The following ASIC2 variants were observed in gnomAD, a reference collection of about 807,000 sequenced individuals.
ASIC2 encodes acid sensing ion channel subunit 2.
ASIC2 carries 25 observed loss-of-function variants against 57.3 expected under a neutral mutation model. The ratio of observed to expected loss-of-function variants is 0.44; its 90% confidence interval spans 0.32 to 0.61. The LOEUF is 0.61. Among genes scored for constraint, ASIC2 ranks in the 20% least tolerant of loss-of-function variants. The pLI is 0.06. For missense variants in ASIC2, 641 were observed against 738.1 expected, an observed-to-expected ratio of 0.87 and a Z score of 1.52; for synonymous variants, 319 against 307.5, an observed-to-expected ratio of 1.04 and a Z score of -0.39.
intron 1 of ASIC2, among the ~76,000 whole-genome samples, chr17:34,040,319 G>A (rs1908076862): frequency 1.3e-5 from 2 of 148,734 alleles, no homozygotes; most frequent in South Asian, 2.1e-4. Flanking sequence ...GGATCGGTTC[G>A]GTCCGGATTA....
intron 1 of ASIC2, among the ~76,000 whole-genome samples, chr17:34,085,053 T>C (rs1305362938): frequency 6.6e-6 from 1 of 152,210 alleles, no homozygotes; most frequent in Non-Finnish European, 1.5e-5. Context: ...CTAATTGCCG[T>C]GGCCAGAACT....
chr17:34,059,083 G>T (rs982513498), intron 1 of ASIC2, among the ~76,000 whole-genome samples: 2 of 152,172 alleles, frequency 1.3e-5, no homozygotes, highest in African/African-American at 2.4e-5. Flanking sequence ...TGGATCAACT[G>T]CAAGAACAAA....
At chr17:34,069,753 T>C (rs1598005924) in intron 1 of ASIC2, 2 of 152,216 alleles carry the variant, frequency 1.3e-5, no homozygotes, top group Admixed American at 6.5e-5. Context: ...TCTGGGGTGG[T>C]AGTGAGTTCA....
chr17:33,880,524 C>T (rs529021653), intron 1 of ASIC2, among the ~76,000 whole-genome samples: 1 of 152,220 alleles, frequency 6.6e-6, no homozygotes. Context: ...GGATAAATTC[C>T]TCAACACATA....
At chr17:33,688,296 G>A (rs1336303312) in intron 1 of ASIC2, among the ~76,000 whole-genome samples, 1 of 152,168 alleles carries the variant, frequency 6.6e-6, no homozygotes, top group Non-Finnish European at 1.5e-5. Flanking sequence ...GTTCTTTACT[G>A]CCCTGTTGCG....
At chr17:33,425,451 A>T (rs1911185666) in intron 1 of ASIC2, among the ~76,000 whole-genome samples, 1 of 152,242 alleles carries the variant, frequency 6.6e-6, no homozygotes, top group African/African-American at 2.4e-5. Context: ...AGTGATTGTT[A>T]AAATGTGTGC....
chr17:33,049,578 A>C (rs1294430741), intron 3 of ASIC2, among the ~76,000 whole-genome samples: 1 of 152,176 alleles, frequency 6.6e-6, no homozygotes, highest in African/African-American at 2.4e-5. Context: ...AAATGGACTC[A>C]TGATTGCAAA....
At chr17:34,012,786 T>C (rs36105864) in intron 1 of ASIC2, among the ~76,000 whole-genome samples, 63,747 of 151,784 alleles carry the variant, frequency 0.42, 14,824 homozygotes, top group Non-Finnish European at 0.51. Flanking sequence ...ATTGAATAAA[T>C]GAATGAATGA....
intron 1 of ASIC2, among the ~76,000 whole-genome samples, chr17:33,929,909 G>C (rs76195686): frequency 0.042 from 6,470 of 152,280 alleles, 470 homozygotes; most frequent in African/African-American, 0.15. Context: ...CACAGTCACA[G>C]AGAGCCCTTG....
chr17:33,259,989 T>G (rs1028532124), intron 1 of ASIC2, among the ~76,000 whole-genome samples: 3 of 152,110 alleles, frequency 2.0e-5, no homozygotes, highest in African/African-American at 7.2e-5. Flanking sequence ...CTGAGGGATA[T>G]TGGCTGAGTG....
At chr17:33,712,636 C>CCT (rs1909078727) in intron 1 of ASIC2, among the ~76,000 whole-genome samples, 1 of 63,592 alleles carries the variant, frequency 1.6e-5, no homozygotes, top group Admixed American at 2.3e-4. Context: ...ACTCATATGG[C>CCT]TTTTTTTTTT....
intron 1 of ASIC2, among the ~76,000 whole-genome samples, chr17:33,331,711 T>C (rs1285318316): frequency 6.6e-6 from 1 of 152,244 alleles, no homozygotes; most frequent in Non-Finnish European, 1.5e-5. Flanking sequence ...CATTTCTATA[T>C]ACCTGATAGT....
chr17:33,341,486 G>A (rs1005307454), intron 1 of ASIC2, among the ~76,000 whole-genome samples: 7 of 152,172 alleles, frequency 4.6e-5, no homozygotes, highest in Admixed American at 2.0e-4. Context: ...TTTAGGCATT[G>A]TCTACGGTTG....
chr17:33,453,646 T>C (rs1044157400), intron 1 of ASIC2, among the ~76,000 whole-genome samples: 5 of 152,236 alleles, frequency 3.3e-5, no homozygotes, highest in Admixed American at 6.5e-5. Context: ...AATTGTTTTA[T>C]AATTAGCTGT....
At chr17:33,432,987 G>T (rs144853564) in intron 1 of ASIC2, among the ~76,000 whole-genome samples, 1 of 152,130 alleles carries the variant, frequency 6.6e-6, no homozygotes. Context: ...TGTGGAAAAC[G>T]GTGTGGTGAT....
intron 1 of ASIC2, among the ~76,000 whole-genome samples, chr17:33,459,682 C>A (rs772569224): frequency 6.6e-6 from 1 of 152,172 alleles, no homozygotes; most frequent in Non-Finnish European, 1.5e-5. Flanking sequence ...GGGAACACCC[C>A]TTCGTCAGTG....
chr17:33,574,667 C>T (rs1295949423), intron 1 of ASIC2, among the ~76,000 whole-genome samples: 1 of 152,158 alleles, frequency 6.6e-6, no homozygotes, highest in Non-Finnish European at 1.5e-5. Context: ...TATAGGAACA[C>T]TTTATTTTTC....
intron 1 of ASIC2, among the ~76,000 whole-genome samples, chr17:33,229,165 G>A (rs570344002): frequency 1.9e-4 from 29 of 152,092 alleles, no homozygotes; most frequent in Non-Finnish European, 3.8e-4. Context: ...GGAAAGAGGT[G>A]TACCAAGCAA....
At chr17:34,058,760 C>A (rs1408465631) in intron 1 of ASIC2, among the ~76,000 whole-genome samples, 2 of 152,190 alleles carry the variant, frequency 1.3e-5, no homozygotes, top group Non-Finnish European at 2.9e-5. Context: ...GAGAGCAGAG[C>A]TAGCTGGTCT....
Sources: allele counts gnomAD v4.1 joint callset (sites outside exome capture counted in the v4.1 genomes callset), GRCh38; gene constraint gnomAD v4.1.1; transcripts MANE v1.5; gene names NCBI Gene and HGNC (gene_info 2026-07-23, HGNC 2026-07-21).